The following THOC5 variants were observed in gnomAD, a reference collection of about 807,000 sequenced individuals.
The protein encoded by THOC5 is THO complex subunit 5.
THOC5 carries 43 observed loss-of-function variants against 92.9 expected under a neutral mutation model. The ratio of observed to expected loss-of-function variants is 0.46; its 90% CI spans 0.36 to 0.60. The LOEUF (loss-of-function observed/expected upper bound fraction) is 0.60, where lower values mean the gene tolerates loss of function less well. Ranked by LOEUF, THOC5 falls within the 20% of genes least tolerant of loss-of-function variation. The pLI, the probability that THOC5 is intolerant of heterozygous loss-of-function variation, is 0.00. For missense variants in THOC5, 659 were observed against 849.4 expected (o/e 0.78, Z 2.79); for synonymous variants, 296 against 320.1 (o/e 0.92, Z 0.80).
chr22:29,519,041 G>A lies in THOC5; in HGVS notation c.1454C>T (p.Ser485Phe), dbSNP rs999127606. Residue 485 changes from serine to phenylalanine, a missense_variant, in exon 15 of 20, where the codon TCC becomes TTC. By Grantham distance (155) the Ser-to-Phe change is radical. Coordinates refer to ENST00000490103, the MANE Select transcript of THOC5 (RefSeq NM_003678.5). ...AAACTGTTTGTGGAGGGCCAGGCGG[G>A]ACTGCACCCTGGTCTTCAGAAGTTT... ...TMKLLKTRVQ[S>F]RLALHKQFAS... The A allele has an allele frequency of 1.9e-6, 3 of 1,610,134 alleles. No homozygotes were observed. The highest frequency in any genetic ancestry group is 2.5e-6 in the Non-Finnish European group (3 of 1,178,188).
intron 13 of THOC5, among the ~76,000 whole-genome samples, chr22:29,520,741 C>T (rs571225971): frequency 1.3e-5 from 2 of 152,216 alleles, no homozygotes; most frequent in African/African-American, 4.8e-5. Context: ...AGGAATCCAC[C>T]TGCTTTGGCC....
chr22:29,523,601 C>G (rs1310836923), intron 12 of THOC5, among the ~76,000 whole-genome samples: 1 of 152,172 alleles, frequency 6.6e-6, no homozygotes. Flanking sequence ...GCAAACGACC[C>G]ATTTTCTCCA....
rs753433320 is a variant in THOC5, at chr22:29,528,128, T to A, written c.1016A>T (p.Glu339Val). The A allele has an allele frequency of 1.9e-6, 3 of 1,614,172 alleles. No individual in the cohort carries two copies. Among genetic ancestry groups the A allele is most frequent in the Non-Finnish European group, 2.5e-6 (3 of 1,180,016 alleles). ...AGACAGTGGGTGCCTCTTCAGCATC[T>A]CCTTGCGTTTGTCGTCCAACTGAAC... The part of the protein sequence containing the change: ...LGVQLDDKRK[E>V]MLKRHPLSVM... Residue 339 changes from glutamate to valine, a missense_variant, in exon 11 of 20, where the codon GAG becomes GTG. Transcript: ENST00000490103.
chr22:29,540,878 T>C (rs1419315655), intron 5 of THOC5, among the ~76,000 whole-genome samples: 2 of 152,176 alleles, frequency 1.3e-5, no homozygotes, highest in Admixed American at 6.5e-5. Flanking sequence ...TATTTAACTA[T>C]TGTTATGTGA....
chr22:29,522,184 G>C (rs1288404950), intron 12 of THOC5, among the ~76,000 whole-genome samples: 1 of 125,228 alleles, frequency 8.0e-6, no homozygotes, highest in African/African-American at 2.9e-5. Flanking sequence ...CCCCGTCTCT[G>C]CTAAAAATAC....
intron 5 of THOC5, among the ~76,000 whole-genome samples, chr22:29,541,696 C>T (rs1875165086): frequency 6.7e-6 from 1 of 148,984 alleles, no homozygotes; most frequent in Admixed American, 6.7e-5. Flanking sequence ...CCTGTCTCTA[C>T]TAAAAACACG....
At chr22:29,527,889 A>T (rs1034398634) in intron 11 of THOC5, among the ~76,000 whole-genome samples, 189 bp downstream of exon 11, 2 of 152,210 alleles carry the variant, frequency 1.3e-5, no homozygotes, top group African/African-American at 4.8e-5. Context: ...TTTTGTTGCT[A>T]TGTTGTTACG....
intron 12 of THOC5, among the ~76,000 whole-genome samples, chr22:29,521,703 T>C (rs992909134): frequency 6.6e-5 from 10 of 152,146 alleles, no homozygotes; most frequent in Non-Finnish European, 1.5e-4. Flanking sequence ...AGAGAAATAG[T>C]GACGCCACTG....
intron 8 of THOC5, chr22:29,531,263 T>TG: frequency 1.0e-6 from 1 of 983,954 alleles, no homozygotes; most frequent in Non-Finnish European, 1.2e-6. Flanking sequence ...TGGGGTGGGG[T>TG]GGGGGAGAAA....
At chr22:29,531,383 A>G (rs1328736443) in intron 8 of THOC5, 2 of 985,336 alleles carry the variant, frequency 2.0e-6, no homozygotes, top group African/African-American at 1.7e-5. Context: ...AGGACATATC[A>G]TCTAACCTGG....
chr22:29,538,344 G>A (rs373064022), intron 6 of THOC5, among the ~76,000 whole-genome samples: 88 of 152,216 alleles, frequency 5.8e-4, no homozygotes, highest in African/African-American at 2.0e-3. Flanking sequence ...GAATAATTTT[G>A]TGCATTTTTC....
chr22:29,549,839 C>T (rs571402155), intron 1 of THOC5, among the ~76,000 whole-genome samples: 7 of 152,236 alleles, frequency 4.6e-5, no homozygotes, highest in Admixed American at 2.6e-4. Context: ...GTCTTTTCCC[C>T]TGCTTGCAAA....
At chr22:29,550,307 G>C (rs1236505377) in intron 1 of THOC5, among the ~76,000 whole-genome samples, 2 of 151,746 alleles carry the variant, frequency 1.3e-5, no homozygotes, top group Non-Finnish European at 2.9e-5. Context: ...TGCCATACTG[G>C]TGCTCTTAAC....
At chr22:29,529,562 T>C (rs1027117938) in intron 8 of THOC5, among the ~76,000 whole-genome samples, 5 of 152,198 alleles carry the variant, frequency 3.3e-5, no homozygotes, top group African/African-American at 1.2e-4. Flanking sequence ...CACATGGAAC[T>C]CCTCTGCCAG....
At chr22:29,523,429 C>T (rs2063483537) in intron 12 of THOC5, among the ~76,000 whole-genome samples, 1 of 152,112 alleles carries the variant, frequency 6.6e-6, no homozygotes, top group South Asian at 2.1e-4. Flanking sequence ...CAGTCCTGCC[C>T]TCTACCCACC....
intron 12 of THOC5, among the ~76,000 whole-genome samples, chr22:29,522,354 T>C (rs1025352732): frequency 1.5e-4 from 22 of 150,156 alleles, no homozygotes; most frequent in South Asian, 6.3e-4. Context: ...AGCGAGACTC[T>C]GTCTCAAAAA....
chr22:29,506,979 C>T lies in THOC5; in HGVS notation c.*1478G>A, dbSNP rs961497026. On this transcript the variant is annotated 3_prime_UTR_variant, in exon 20 of 20. Transcript: ENST00000490103. ...GAACTCCTGGACTCCAGTCATCCGC[C>T]CACCTCAGCCTTCTGAGTAACTGGG... The T allele has an allele frequency of 6.6e-6, 1 of 152,216 alleles. No homozygotes were observed. Among genetic ancestry groups the T allele is most frequent in the Non-Finnish European group, 1.5e-5 (1 of 68,084 alleles). 9.4% of individuals were successfully genotyped at this position (152,216 alleles called of 1,614,324 possible). A position where few individuals can be genotyped will look rare whatever the true frequency, so the allele number is the denominator to read the frequency against.
At chr22:29,526,281 C>T (rs540310909) in intron 11 of THOC5, among the ~76,000 whole-genome samples, 1 of 152,078 alleles carries the variant, frequency 6.6e-6, no homozygotes, top group East Asian at 1.9e-4. Context: ...ACCTGTAATC[C>T]CAGCACTCTG....
intron 12 of THOC5, among the ~76,000 whole-genome samples, chr22:29,522,261 G>A (rs912690077): frequency 6.6e-6 from 1 of 151,784 alleles, no homozygotes; most frequent in Admixed American, 6.6e-5. Context: ...TTGGGAGGCT[G>A]AGGCAGGAGA....
Sources: gnomAD v4.1 joint callset for allele counts (sites outside exome capture counted in the v4.1 genomes callset) on GRCh38, gnomAD v4.1.1 for gene constraint, MANE v1.5 for transcripts, NCBI Gene and HGNC (gene_info 2026-07-23, HGNC 2026-07-21) for gene names.